The following RNF150 variants were observed in gnomAD, a reference collection of about 807,000 sequenced individuals.
The protein encoded by RNF150 is ring finger protein 150.
RNF150 carries 24 observed loss-of-function variants against 39.3 expected under a neutral mutation model. The observed-to-expected ratio is 0.61, with a 90% CI of 0.44 to 0.86. RNF150 has a LOEUF of 0.86. Among genes scored for constraint, RNF150 ranks in the 40% least tolerant of loss-of-function variants. The pLI is 0.00. For missense variants in RNF150, 502 were observed against 587.8 expected, an observed-to-expected ratio of 0.85 and a Z score of 1.51; for synonymous variants, 255 against 227.3, an observed-to-expected ratio of 1.12 and a Z score of -1.10.
chr4:140,912,709 T>G (rs1261764186), intron 5 of RNF150, among the ~76,000 whole-genome samples: 1 of 152,164 alleles, frequency 6.6e-6, no homozygotes, highest in Non-Finnish European at 1.5e-5. Context: ...TTCAGTTTAT[T>G]CATTTCTTTC....
intron 1 of RNF150, among the ~76,000 whole-genome samples, chr4:141,006,141 G>A (rs969210448): frequency 1.1e-4 from 17 of 151,330 alleles, no homozygotes; most frequent in Non-Finnish European, 2.4e-4. Flanking sequence ...ATCTTGGAAT[G>A]TGCTATAATT....
In RNF150 at chr4:141,132,674, G is replaced by T; in HGVS notation, c.135C>A (p.Asn45Lys). 1.2e-6 allele frequency: 2 copies of T among 1,607,468 alleles called. No individual in the cohort carries two copies. Among genetic ancestry groups the T allele is most frequent in the Non-Finnish European group, 1.7e-6 (2 of 1,177,576 alleles). The part of the protein sequence containing the change: ...EKEEWYTAFV[N>K]ITYAEPAPDP... ...CCGGCGCGGGCTCGGCGTAGGTGAT[G>T]TTCACGAAGGCGGTGTACCATTCCT... is the stretch of plus-strand genomic sequence containing the variant. The change falls in exon 1 of 7, where the codon AAC becomes AAA. Residue 45 changes from asparagine to lysine, a missense_variant. Transcript: ENST00000515673. This position sits in a 1 kb window ranked among gnomAD's most constrained non-coding sequence, Gnocchi z 4.9.
At chr4:141,022,642 C>T (rs544725401) in intron 1 of RNF150, among the ~76,000 whole-genome samples, 1 of 152,266 alleles carries the variant, frequency 6.6e-6, no homozygotes, top group East Asian at 1.9e-4. Flanking sequence ...CTTTTTCATT[C>T]TGTATATCTA....
chr4:141,169,806 A>G (rs1034466843), intron 1 of RNF150, among the ~76,000 whole-genome samples: 2 of 151,744 alleles, frequency 1.3e-5, no homozygotes, highest in African/African-American at 4.8e-5. Flanking sequence ...TAGTTCTGCT[A>G]CTTTTACAAG....
At chr4:141,144,129 A>C (rs1020793724) in intron 1 of RNF150, among the ~76,000 whole-genome samples, 18 of 152,012 alleles carry the variant, frequency 1.2e-4, no homozygotes, top group African/African-American at 4.1e-4. Flanking sequence ...GGGAAAAAAA[A>C]CCCACAAAAC....
intron 6 of RNF150, among the ~76,000 whole-genome samples, chr4:140,891,348 T>G (rs1729746308): frequency 6.6e-6 from 1 of 152,188 alleles, no homozygotes; most frequent in Non-Finnish European, 1.5e-5. Flanking sequence ...AACTAGGACT[T>G]GAACCTAGCT....
At chr4:140,992,005 T>G (rs146097200) in intron 1 of RNF150, among the ~76,000 whole-genome samples, 1,800 of 152,298 alleles carry the variant, frequency 0.012, 19 homozygotes, top group Non-Finnish European at 0.017. Flanking sequence ...AGGATGAGAC[T>G]TTACTAATAA....
rs188022529 is a variant in RNF150 at position 141,206,347 on chromosome 4, A to C, written c.-6+6447T>G. 1.8e-3 allele frequency among the ~76,000 whole-genome samples: 265 copies of C among 149,080 alleles called. 2 individuals carry two copies. The highest frequency in any genetic ancestry group is 6.2e-3 in the African/African-American group (253 of 40,604). ...GACAGGAGAATTGCTGGAACCTGGG[A>C]GGCAGAGATTACAGTGAGCCAAGAT... On this transcript the variant is annotated intron_variant, in intron 1 of 7. Coordinates refer to the RNF150 transcript ENST00000420921.
Position 140,874,598 on chromosome 4 carries a change from C to A in RNF150, c.1199-6219G>T, listed in dbSNP as rs547245886. On this transcript the variant is annotated intron_variant, in intron 6 of 6. Transcript: ENST00000515673. Reference sequence around the variant, plus strand: ...TTTGAGACTGGGTTTCGCTCTCTCGCCCAGGCTGGAGCTTAGTGGTGCAAT... The same window carrying A: ...TTTGAGACTGGGTTTCGCTCTCTCGACCAGGCTGGAGCTTAGTGGTGCAAT... Among the ~76,000 whole-genome samples the A allele has an allele frequency of 3.9e-5, 6 of 152,322 alleles. No individual in the cohort carries two copies. The South Asian group carries it at 1.0e-3, about 26-fold the overall frequency.
intron 1 of RNF150, among the ~76,000 whole-genome samples, chr4:141,129,332 G>A (rs1194918941): frequency 6.6e-6 from 1 of 152,168 alleles, no homozygotes; most frequent in Non-Finnish European, 1.5e-5. Flanking sequence ...ACCTTAGAAA[G>A]ATTATGCTAA....
chr4:141,176,340 G>A (rs143118626), intron 1 of RNF150, among the ~76,000 whole-genome samples: 141 of 152,290 alleles, frequency 9.3e-4, no homozygotes, highest in African/African-American at 3.2e-3. Flanking sequence ...AAATCATGGG[G>A]ACACAGACAT....
At chr4:140,946,074 T>C (rs1163944599) in intron 4 of RNF150, among the ~76,000 whole-genome samples, 2 of 152,234 alleles carry the variant, frequency 1.3e-5, no homozygotes, top group Admixed American at 6.5e-5. Flanking sequence ...AATCCTCATA[T>C]GAAGGAAATT....
At chr4:140,878,668 A>ATATT (rs2111198810) in intron 6 of RNF150, among the ~76,000 whole-genome samples, 1 of 152,294 alleles carries the variant, frequency 6.6e-6, no homozygotes, top group Non-Finnish European at 1.5e-5. Context: ...ACCTTATCAA[A>ATATT]TATATGGTTT....
At chr4:141,055,844 T>C (rs757835277) in intron 1 of RNF150, among the ~76,000 whole-genome samples, 4 of 152,198 alleles carry the variant, frequency 2.6e-5, no homozygotes, top group African/African-American at 7.2e-5. Flanking sequence ...ACAGGAATCA[T>C]GCTTATTTTT....
At chr4:141,165,511 C>T (rs1727584997) in intron 1 of RNF150, among the ~76,000 whole-genome samples, 1 of 152,210 alleles carries the variant, frequency 6.6e-6, no homozygotes, top group Admixed American at 6.5e-5. Context: ...CTTAGCACCA[C>T]ATCACACTTA....
intron 6 of RNF150, among the ~76,000 whole-genome samples, chr4:140,902,268 A>G (rs1458893654): frequency 6.6e-6 from 1 of 152,210 alleles, no homozygotes; most frequent in African/African-American, 2.4e-5. Context: ...AATAGCATGG[A>G]AAAAATATAG....
At chr4:141,159,303 G>A (rs1042581815) in intron 1 of RNF150, among the ~76,000 whole-genome samples, 1 of 152,132 alleles carries the variant, frequency 6.6e-6, no homozygotes, top group Non-Finnish European at 1.5e-5. Context: ...ATGTGGCTGT[G>A]TTCCAACAAA....
chr4:141,072,930 TC>T (rs946621519), intron 1 of RNF150, among the ~76,000 whole-genome samples: 2 of 152,164 alleles, frequency 1.3e-5, no homozygotes. Context: ...CACTGGAAAT[TC>T]CCACCTCATG....
chr4:140,871,305 G>A (rs1299680164), intron 6 of RNF150, among the ~76,000 whole-genome samples: 1 of 151,994 alleles, frequency 6.6e-6, no homozygotes, highest in African/African-American at 2.4e-5. Context: ...AATGACCACT[G>A]AGAAACAAAG....
Sources: allele counts gnomAD v4.1 joint callset (sites outside exome capture counted in the v4.1 genomes callset), GRCh38; gene constraint gnomAD v4.1.1; non-coding constraint Gnocchi (gnomAD v3.1); transcripts MANE v1.5; gene names NCBI Gene and HGNC (gene_info 2026-07-23, HGNC 2026-07-21).